Variants in CASKIN1 observed in about 807,000 individuals in gnomAD.
The protein encoded by CASKIN1 is CASK interacting protein 1.
A neutral mutation model predicts 117.5 loss-of-function variants in CASKIN1; 42 were observed. The observed-to-expected ratio is 0.36, with a 90% confidence interval of 0.28 to 0.46. CASKIN1 has a LOEUF of 0.46. Ranked by LOEUF, CASKIN1 falls within the 20% of genes least tolerant of loss-of-function variation. The pLI, the probability that CASKIN1 is intolerant of heterozygous loss-of-function variation, is 1.00. For missense variants in CASKIN1, 2,083 were observed against 2,077.3 expected, an observed-to-expected ratio of 1.00 and a Z score of -0.05; for synonymous variants, 1,148 against 961.7, an observed-to-expected ratio of 1.19 and a Z score of -3.59.
chr16:2,178,660 G>A lies in CASKIN1; in HGVS notation c.4200-14C>T, dbSNP rs763385404. 43 of 1,581,990 alleles carry A rather than the reference G, an allele frequency of 2.7e-5. No homozygotes were observed. The South Asian group carries it at 4.5e-4, about 17-fold the overall frequency. On this transcript the variant is annotated splice_polypyrimidine_tract_variant and intron_variant, in intron 19 of 19. Coordinates refer to ENST00000343516, the MANE Select transcript of CASKIN1 (RefSeq NM_020764.4). ...GCCGCCGAGTCGCTGCGGGGCGCGGGGCAAGGGGCGTGAGTGGGCGGGGCG... is the reference window on the plus strand; with the variant it reads ...GCCGCCGAGTCGCTGCGGGGCGCGGAGCAAGGGGCGTGAGTGGGCGGGGCG...
In CASKIN1 at chr16:2,189,038, G is replaced by A. The variant is rs751009002; in HGVS notation, c.606C>T (p.Ile202=). 2 of 1,613,006 alleles carry A rather than the reference G, an allele frequency of 1.2e-6. No homozygotes were observed. Among genetic ancestry groups the A allele is most frequent in the Non-Finnish European group, 8.5e-7 (1 of 1,179,438 alleles). ...GCTACCGGCTCTACCTGATGATGTC[G>A]ATGTGGCCGTTTTTAGCTGCGAGGT... ...PLHLAAKNGH[I]DIIRLLLQAG... Residue 202 remains isoleucine, a synonymous_variant, in exon 6 of 20, where the codon ATC becomes ATT. Coordinates refer to ENST00000343516, the MANE Select transcript of CASKIN1 (RefSeq NM_020764.4).
chr16:2,191,594 A>G (rs895117468), intron 1 of CASKIN1, among the ~76,000 whole-genome samples: 1 of 152,196 alleles, frequency 6.6e-6, no homozygotes, highest in Non-Finnish European at 1.5e-5. Flanking sequence ...TTAGCCGTAC[A>G]GGAATCCCAC....
Position 2,177,761 on chromosome 16 carries a change from A to G in CASKIN1, c.*789T>C, listed in dbSNP as rs1414480070. 12 of 242,922 alleles carry G rather than the reference A, an allele frequency of 4.9e-5. No homozygotes were observed. In the Admixed American group the frequency reaches 6.0e-4, roughly 12 times the overall value. 15.0% of individuals were successfully genotyped at this position (242,922 alleles called of 1,614,324 possible). A position where few individuals can be genotyped will look rare whatever the true frequency, so the allele number is the denominator to read the frequency against. ...CCCACCCGCGCCCTGGGACGCAGCCACGCCAGGAGGAGGACACGGCCGCCG... is the reference window on the plus strand; with the variant it reads ...CCCACCCGCGCCCTGGGACGCAGCCGCGCCAGGAGGAGGACACGGCCGCCG... On this transcript the variant is annotated 3_prime_UTR_variant, in exon 20 of 20. Coordinates refer to ENST00000343516, the MANE Select transcript of CASKIN1 (RefSeq NM_020764.4).
At position 2,189,558 on chromosome 16, in the gene CASKIN1, C is replaced by A; in HGVS notation, c.251G>T (p.Arg84Leu). 6.2e-7 allele frequency: 1 copy of A among 1,603,540 alleles called. No individual in the cohort carries two copies. Among genetic ancestry groups the A allele is most frequent in the Non-Finnish European group, 8.5e-7 (1 of 1,176,092 alleles). ...CTGCCAGGCCGCATAGTGCAGCGGC[C>A]GCATGCCTGGGGGGCGAGGGGATGC... ...AVDIKDNKGM[R>L]PLHYAAWQGR... Residue 84 changes from arginine (R) to leucine (L), a missense_variant, in exon 4 of 20, where the codon CGG (arginine) becomes CTG (leucine). Physicochemically the swap from Arg to Leu is moderately radical, Grantham distance 102. This residue lies in a region of CASKIN1 where 203 missense variants were observed against 338.7 expected (regional missense o/e 0.60). Transcript: ENST00000343516.
rs748961126 is a variant in CASKIN1 at position 2,196,482 on chromosome 16, G to A, written c.-50C>T. On this transcript the variant is annotated 5_prime_UTR_variant, in exon 1 of 20. Coordinates refer to ENST00000343516, the MANE Select transcript of CASKIN1 (RefSeq NM_020764.4). The surrounding 1 kb of genome is among the most constrained non-coding windows in gnomAD (Gnocchi z 5.7). Reference sequence around the variant, plus strand: ...CGGCTGCGCTCGTGAGCTCGGCGCGGCTCAGAGGCGGCGGCGGCCCCGCGG... The same window carrying A: ...CGGCTGCGCTCGTGAGCTCGGCGCGACTCAGAGGCGGCGGCGGCCCCGCGG... 1.6e-5 allele frequency: 15 copies of A among 956,454 alleles called. No homozygotes were observed. In the African/African-American group the frequency reaches 2.7e-4, roughly 17 times the overall value. The allele number at this position is 956,454 out of a possible 1,614,324, so 59.2% of individuals were successfully genotyped here.
intron 16 of CASKIN1, among the ~76,000 whole-genome samples, chr16:2,183,077 G>GCGCCCGGCCGCACCT (rs2093173046): frequency 3.3e-5 from 5 of 152,214 alleles, no homozygotes; most frequent in Admixed American, 1.3e-4. Flanking sequence ...GTGAGCCACC[G>GCGCCCGGCCGCACCT]CGCCCGGCCG....
In CASKIN1 at chr16:2,179,891, G is replaced by C. The variant is rs758385653; in HGVS notation, c.3477C>G (p.Ala1159=). The change falls in exon 18 of 20, where the codon GCC becomes GCG. Residue 1159 remains alanine, a synonymous_variant. Transcript: ENST00000343516. The surrounding 1 kb of genome is among the most constrained non-coding windows in gnomAD (Gnocchi z 5.8). ...KRRPKAKERE[A]GPEPPPPLSV... ...ACAGTGGCGGTGGTGGCTCAGGCCC[G>C]GCCTCCCGCTCCTTGGCCTTGGGCC... 1.4e-5 allele frequency: 22 copies of C among 1,604,698 alleles called. No homozygotes were observed. Among genetic ancestry groups the C allele is most frequent in the Non-Finnish European group, 1.9e-5 (22 of 1,175,928 alleles).
At position 2,186,938 on chromosome 16, in the gene CASKIN1, GC is replaced by G. The variant is rs1388903404; in HGVS notation, c.930+39del. On this transcript the variant is annotated intron_variant, in intron 9 of 19. Transcript: ENST00000343516. ...TCTGGGGTGCGCACGCCCAGGTGCC[GC>G]CCCCTCCCTGCTGAGATGGCCCCTG... 3.1e-6 allele frequency: 5 copies of G among 1,605,980 alleles called. No individual in the cohort carries two copies. In the South Asian group the frequency reaches 5.5e-5, roughly 18 times the overall value.
intron 14 of CASKIN1, 34 bp downstream of exon 14, chr16:2,184,743 G>C (rs2093178649): frequency 6.9e-7 from 1 of 1,459,134 alleles, no homozygotes. Context: ...CCTCTCCCCG[G>C]AGCCCACGCT....
chr16:2,196,408 G>T lies in CASKIN1; in HGVS notation c.25C>A (p.Gln9Lys). The change falls in exon 1 of 20, where the codon CAG becomes AAG. Residue 9 changes from glutamine to lysine, a missense_variant. Physicochemically the swap from Gln to Lys is moderately conservative, Grantham distance 53. Coordinates refer to ENST00000343516, the MANE Select transcript of CASKIN1 (RefSeq NM_020764.4). The surrounding 1 kb of genome is among the most constrained non-coding windows in gnomAD (Gnocchi z 5.7). ...CCTACGTCCTCCGCCTTCACCGCCT[G>T]CACCAGCTCCTGCTCCTTCCCCATG... Reference protein sequence around the residue: MGKEQELVQAVKAEDVGTA... With the variant: MGKEQELVKAVKAEDVGTA... 7.3e-7 allele frequency: 1 copy of T among 1,362,144 alleles called. No individual in the cohort carries two copies. The allele number at this position is 1,362,144 out of a possible 1,614,324, so 84.4% of individuals were successfully genotyped here.
In CASKIN1 at chr16:2,196,316, C is replaced by A; in HGVS notation, c.94+23G>T. On this transcript the variant is annotated intron_variant, in intron 1 of 19. Transcript: ENST00000343516. The surrounding 1 kb of genome is among the most constrained non-coding windows in gnomAD (Gnocchi z 5.7). ...GAGGGGCCCCCGGGGCTCCCACCCG[C>A]GCCCCGCGCCCCCGGCACTCACTGG... 13 of 1,138,356 alleles carry A rather than the reference C, an allele frequency of 1.1e-5. No homozygotes were observed. The highest frequency in any genetic ancestry group is 1.4e-5 in the Non-Finnish European group (13 of 917,772). 70.5% of individuals were successfully genotyped at this position (1,138,356 alleles called of 1,614,324 possible). A position where few individuals can be genotyped will look rare whatever the true frequency, so the allele number is the denominator to read the frequency against.
At position 2,196,311 on chromosome 16, in the gene CASKIN1, A is replaced by ACCCGCGC. The variant is rs778198566; in HGVS notation, c.94+21_94+27dup. The ACCCGCGC allele has an allele frequency of 2.5e-5, 28 of 1,100,298 alleles. 1 individual carries two copies. The South Asian group carries it at 8.4e-4, about 33-fold the overall frequency. The allele number at this position is 1,100,298 out of a possible 1,614,324, so 68.2% of individuals were successfully genotyped here. On this transcript the variant is annotated intron_variant, in intron 1 of 19. Coordinates refer to ENST00000343516, the MANE Select transcript of CASKIN1 (RefSeq NM_020764.4). The surrounding 1 kb of genome is among the most constrained non-coding windows in gnomAD (Gnocchi z 5.7). Reference sequence around the variant, plus strand: ...CCGGGGAGGGGCCCCCGGGGCTCCCACCCGCGCCCCGCGCCCCCGGCACTC... The same window carrying ACCCGCGC: ...CCGGGGAGGGGCCCCCGGGGCTCCCACCCGCGCCCCGCGCCCCGCGCCCCCGGCACTC...
intron 6 of CASKIN1, 136 bp downstream of exon 6, chr16:2,188,891 C>A: frequency 7.7e-7 from 1 of 1,294,296 alleles, no homozygotes; most frequent in Non-Finnish European, 1.1e-6. Context: ...GAGGCCATGC[C>A]AGAGGCCTGA....
chr16:2,189,189 G>C (rs1461751492), intron 5 of CASKIN1, 32 bp from the exon 6 acceptor site: 10 of 1,612,594 alleles, frequency 6.2e-6, no homozygotes, highest in Non-Finnish European at 8.5e-6. Context: ...GGGGGGTCCT[G>C]ATGTGGGGCT....
Position 2,196,410 on chromosome 16 carries a change from AC to A in CASKIN1, c.22del (p.Val8CysfsTer4). 2 of 1,359,596 alleles carry A rather than the reference AC, an allele frequency of 1.5e-6. No homozygotes were observed. Among genetic ancestry groups the A allele is most frequent in the Non-Finnish European group, 9.6e-7 (1 of 1,042,588 alleles). 84.2% of individuals were successfully genotyped at this position (1,359,596 alleles called of 1,614,324 possible). A position where few individuals can be genotyped will look rare whatever the true frequency, so the allele number is the denominator to read the frequency against. MGKEQEL[V>X]QAVKAEDVGT... ...TACGTCCTCCGCCTTCACCGCCTGC[AC>A]CAGCTCCTGCTCCTTCCCCATGGCG... On this transcript the variant is annotated frameshift_variant, in exon 1 of 20. Coordinates refer to ENST00000343516, the MANE Select transcript of CASKIN1 (RefSeq NM_020764.4). LOFTEE classifies it high-confidence loss of function. The surrounding 1 kb of genome is among the most constrained non-coding windows in gnomAD (Gnocchi z 5.7).
At chr16:2,194,717 C>G (rs1403653458) in intron 1 of CASKIN1, among the ~76,000 whole-genome samples, 3 of 152,172 alleles carry the variant, frequency 2.0e-5, no homozygotes, top group Non-Finnish European at 4.4e-5. Context: ...GGGCAGGTGT[C>G]TCTCCTGTCC....
chr16:2,184,584 A>C (rs538718722), intron 14 of CASKIN1, among the ~76,000 whole-genome samples, 193 bp downstream of exon 14: 2 of 152,262 alleles, frequency 1.3e-5, no homozygotes, highest in South Asian at 2.1e-4. Context: ...CAGCCTGCAC[A>C]ATGACGACAC....
chr16:2,190,134 G>A lies in CASKIN1; in HGVS notation c.183C>T (p.Asn61=), dbSNP rs1168985699. The A allele has an allele frequency of 6.2e-7, 1 of 1,612,944 alleles. No individual in the cohort carries two copies. Among genetic ancestry groups the A allele is most frequent in the Non-Finnish European group, 8.5e-7 (1 of 1,179,940 alleles). The part of the protein sequence containing the change: ...SALHHAALNG[N]TELISLLLEA... ...CCAGCAGCAGGCTGATCAATTCCGT[G>A]TTGCCGTTCAGGGCCGCATGGTGCA... Residue 61 remains asparagine (N), a synonymous_variant, in exon 3 of 20, where the codon AAC becomes AAT. Transcript: ENST00000343516.
In CASKIN1 at chr16:2,181,123, G is replaced by C; in HGVS notation, c.2245C>G (p.His749Asp). Residue 749 changes from histidine (H) to aspartate (D), a missense_variant, in exon 18 of 20, where the codon CAC (histidine) becomes GAC (aspartate). By Grantham distance (81) the His-to-Asp change is moderately conservative. This residue lies in a region of CASKIN1 where 1,818 missense variants were observed against 1,688.9 expected (regional missense o/e 1.08). Coordinates refer to ENST00000343516, the MANE Select transcript of CASKIN1 (RefSeq NM_020764.4). ...GGCACGCTGGCCCTCTTGATGCTGT[G>C]GCCGTGGCGGCCGGGCCGGGCCTCC... ...PREARPGRHG[H>D]SIKRASVPPV... The C allele has an allele frequency of 6.8e-7, 1 of 1,477,844 alleles. No homozygotes were observed. Among genetic ancestry groups the C allele is most frequent in the Non-Finnish European group, 8.9e-7 (1 of 1,123,312 alleles). 91.5% of individuals were successfully genotyped at this position (1,477,844 alleles called of 1,614,324 possible).
Sources: gnomAD v4.1 joint callset for allele counts (sites outside exome capture counted in the v4.1 genomes callset) on GRCh38, gnomAD v4.1.1 for gene constraint, gnomAD v4.1.1 regional missense constraint, Gnocchi (gnomAD v3.1) non-coding constraint, MANE v1.5 for transcripts, NCBI Gene and HGNC (gene_info 2026-07-23, HGNC 2026-07-21) for gene names.